The following SLC27A2 variants were observed in gnomAD, a reference collection of about 807,000 sequenced individuals.
SLC27A2 encodes the protein long-chain fatty acid transport protein 2.
SLC27A2 carries 54 observed loss-of-function variants against 60.0 expected under a neutral mutation model. The observed-to-expected ratio is 0.90, with a 90% CI of 0.72 to 1.13. The LOEUF (loss-of-function observed/expected upper bound fraction) is 1.13. Among genes scored for constraint, SLC27A2 ranks in the 50% most tolerant of loss-of-function variants. The pLI, the probability that SLC27A2 is intolerant of heterozygous loss-of-function variation, is 0.00. For missense variants in SLC27A2, 739 were observed against 777.6 expected, an observed-to-expected ratio of 0.95 and a Z score of 0.59; for synonymous variants, 297 against 297.6, an observed-to-expected ratio of 1.00 and a Z score of 0.02.
At chr15:50,233,681 CAACT>C (rs1307946029) in intron 8 of SLC27A2, among the ~76,000 whole-genome samples, 183 bp from the exon 9 acceptor site, 2 of 152,116 alleles carry the variant, frequency 1.3e-5, no homozygotes, top group Non-Finnish European at 2.9e-5. Flanking sequence ...AAGATTCAAC[CAACT>C]GTTATTATTG....
intron 5 of SLC27A2, among the ~76,000 whole-genome samples, chr15:50,223,841 G>C (rs2045261093): frequency 6.6e-6 from 1 of 152,342 alleles, no homozygotes; most frequent in South Asian, 2.1e-4. Flanking sequence ...GGCTTGAGAA[G>C]TCACTGCGGT....
In SLC27A2 at chr15:50,184,033, C is replaced by T. The variant is rs1160392786; in HGVS notation, c.478+1128C>T. On this transcript the variant is annotated intron_variant, in intron 1 of 9. Coordinates refer to ENST00000267842, the MANE Select transcript of SLC27A2 (RefSeq NM_003645.4). Reference sequence around the variant, plus strand: ...TTTTTGACAGTCTCGTTCTGTTGCCCAGGCTGGAGTGCAGTGGCGCTATTT... The same window carrying T: ...TTTTTGACAGTCTCGTTCTGTTGCCTAGGCTGGAGTGCAGTGGCGCTATTT... 2.8e-5 allele frequency among the ~76,000 whole-genome samples: 3 copies of T among 106,462 alleles called. No homozygotes were observed. In the East Asian group the frequency reaches 8.7e-4, roughly 31 times the overall value. The allele number at this position is 106,462 out of a possible 152,430, so 69.8% of individuals were successfully genotyped here. A position where few individuals can be genotyped will look rare whatever the true frequency, so the allele number is the denominator to read the frequency against.
intron 1 of SLC27A2, among the ~76,000 whole-genome samples, chr15:50,187,808 C>T (rs74014929): frequency 0.052 from 7,906 of 152,120 alleles, 373 homozygotes; most frequent in African/African-American, 0.13. Context: ...AAAAATATTG[C>T]ATCATTAAAA....
chr15:50,183,737 CTCAG>C (rs963108072), intron 1 of SLC27A2, among the ~76,000 whole-genome samples: 9 of 152,164 alleles, frequency 5.9e-5, no homozygotes, highest in Admixed American at 1.3e-4. Flanking sequence ...GGTTCCTTCT[CTCAG>C]TCAGTAAGAA....
intron 3 of SLC27A2, among the ~76,000 whole-genome samples, chr15:50,204,858 T>C (rs1355692629): frequency 7.0e-6 from 1 of 142,896 alleles, no homozygotes; most frequent in Non-Finnish European, 1.5e-5. Flanking sequence ...TGTATGTGTG[T>C]ATATATATAT....
chr15:50,208,917 T>C (rs2045133821), intron 4 of SLC27A2, among the ~76,000 whole-genome samples: 1 of 152,178 alleles, frequency 6.6e-6, no homozygotes, highest in South Asian at 2.1e-4. Flanking sequence ...AAAAACAATG[T>C]CATCTAGGGA....
intron 5 of SLC27A2, among the ~76,000 whole-genome samples, chr15:50,225,317 G>A (rs866546621): frequency 3.0e-4 from 46 of 152,206 alleles, no homozygotes; most frequent in African/African-American, 1.1e-3. Flanking sequence ...TTACTGAATT[G>A]CTGATAATTA....
At chr15:50,224,810 GCAGA>G (rs2045268289) in intron 5 of SLC27A2, among the ~76,000 whole-genome samples, 1 of 152,196 alleles carries the variant, frequency 6.6e-6, no homozygotes, top group Non-Finnish European at 1.5e-5. Context: ...ATTGAGCAAT[GCAGA>G]CAGAGAATAT....
chr15:50,197,053 G>T (rs116928077), intron 1 of SLC27A2, among the ~76,000 whole-genome samples: 1,631 of 152,038 alleles, frequency 0.011, 15 homozygotes, highest in Non-Finnish European at 0.017. Context: ...CTTGGGTTTT[G>T]CCCATATGTC....
Position 50,227,022 on chromosome 15 carries a change from C to T in SLC27A2, c.1301C>T (p.Pro434Leu). 1 of 1,614,128 alleles carries T rather than the reference C, an allele frequency of 6.2e-7. No homozygotes were observed. The highest frequency in any genetic ancestry group is 8.5e-7 in the Non-Finnish European group (1 of 1,180,016). Residue 434 changes from proline (P) to leucine (L), a missense_variant, in exon 7 of 10, where the codon CCA becomes CTA. By Grantham distance (98) the Pro-to-Leu change is moderately conservative. Transcript: ENST00000267842. ...LLVCKITQLT[P>L]FNGYAGAKAQ... is the part of the protein sequence containing the mutation. The stretch of plus-strand genomic sequence containing the variant: ...GTTTGCAAAATCACACAACTTACAC[C>T]ATTTAATGGCTATGCTGGAGCAAAG...
chr15:50,186,085 A>AAT (rs1375167421), intron 1 of SLC27A2, among the ~76,000 whole-genome samples: 1 of 151,894 alleles, frequency 6.6e-6, no homozygotes, highest in African/African-American at 2.4e-5. Context: ...AAAAAAAAAA[A>AAT]ATACAAAAAT....
At chr15:50,192,235 G>A (rs1361356351) in intron 1 of SLC27A2, among the ~76,000 whole-genome samples, 2 of 152,040 alleles carry the variant, frequency 1.3e-5, no homozygotes, top group African/African-American at 4.8e-5. Flanking sequence ...GGCTTCCATA[G>A]TGTGTCCAGA....
At chr15:50,220,467 A>G (rs773323519) in intron 4 of SLC27A2, among the ~76,000 whole-genome samples, 1 of 152,224 alleles carries the variant, frequency 6.6e-6, no homozygotes, top group Non-Finnish European at 1.5e-5. Context: ...AGACAAGGAA[A>G]TAAACGAAGT....
chr15:50,225,932 T>C (rs2045274798), intron 5 of SLC27A2, 56 bp from the exon 6 acceptor site: 8 of 1,283,404 alleles, frequency 6.2e-6, no homozygotes, highest in South Asian at 1.3e-5. Context: ...TATACCACAA[T>C]TAAAAAGGGA....
intron 4 of SLC27A2, among the ~76,000 whole-genome samples, chr15:50,218,073 A>C (rs1045678957): frequency 6.6e-6 from 1 of 151,274 alleles, no homozygotes; most frequent in African/African-American, 2.4e-5. Context: ...AAAAAAAAAA[A>C]AAAAAAAAAA....
In SLC27A2 at chr15:50,227,179, G is replaced by T; in HGVS notation, c.1457+1G>T. ...ACGACAGAGTTGGAGATACATTCCG[G>T]TTGGTTTTTCTGAATCATTGAGCCA... On this transcript the variant is annotated splice_donor_variant, in intron 7 of 9. Coordinates refer to ENST00000267842, the MANE Select transcript of SLC27A2 (RefSeq NM_003645.4). LOFTEE classifies it high-confidence loss of function. 6.2e-7 allele frequency: 1 copy of T among 1,612,832 alleles called. No individual in the cohort carries two copies. Among genetic ancestry groups the T allele is most frequent in the Non-Finnish European group, 8.5e-7 (1 of 1,179,318 alleles).
At chr15:50,224,312 A>T (rs978223882) in intron 5 of SLC27A2, among the ~76,000 whole-genome samples, 1 of 151,928 alleles carries the variant, frequency 6.6e-6, no homozygotes, top group Non-Finnish European at 1.5e-5. Flanking sequence ...TGGTGGCGGG[A>T]GCCTGTAATC....
chr15:50,185,874 C>T (rs904637816), intron 1 of SLC27A2, among the ~76,000 whole-genome samples: 3 of 151,860 alleles, frequency 2.0e-5, no homozygotes, highest in African/African-American at 4.8e-5. Flanking sequence ...CGTGATCTGC[C>T]GGCCTTGGCC....
intron 5 of SLC27A2, among the ~76,000 whole-genome samples, chr15:50,224,819 G>A (rs1338123438): frequency 6.6e-6 from 1 of 152,214 alleles, no homozygotes; most frequent in Non-Finnish European, 1.5e-5. Context: ...TGCAGACAGA[G>A]AATATTTCCA....
Sources: gnomAD v4.1 joint callset for allele counts (sites outside exome capture counted in the v4.1 genomes callset) on GRCh38, gnomAD v4.1.1 for gene constraint, MANE v1.5 for transcripts, NCBI Gene and HGNC (gene_info 2026-07-23, HGNC 2026-07-21) for gene names.